TANC2: variants seen among roughly 807,000 people sequenced by gnomAD.
TANC2 encodes the protein protein TANC2.
In TANC2, 26 loss-of-function variants were observed where a neutral mutation model predicts 210.5. The ratio of observed to expected loss-of-function variants is 0.12; its 90% CI spans 0.09 to 0.17. The LOEUF (loss-of-function observed/expected upper bound fraction) is 0.17. TANC2 is among the 10% of genes least tolerant of loss of function. TANC2 has a pLI of 1.00. For missense variants in TANC2, 2,129 were observed against 2,608.9 expected, an observed-to-expected ratio of 0.82 and a Z score of 4.01; for synonymous variants, 931 against 967.1, an observed-to-expected ratio of 0.96 and a Z score of 0.69.
chr17:63,020,681 GTGT>G (rs1251242980), intron 2 of TANC2, among the ~76,000 whole-genome samples: 1 of 152,154 alleles, frequency 6.6e-6, no homozygotes, highest in Non-Finnish European at 1.5e-5. Context: ...TAAATACAAG[GTGT>G]TGTTAGAATC....
chr17:63,220,284 G>A (rs1032065001), intron 7 of TANC2, among the ~76,000 whole-genome samples: 3 of 150,314 alleles, frequency 2.0e-5, no homozygotes, highest in Non-Finnish European at 4.4e-5. Flanking sequence ...GACAGAGCAA[G>A]ACTCCGTCTC....
At chr17:63,371,932 C>T (rs1373778185) in intron 14 of TANC2, among the ~76,000 whole-genome samples, 1 of 152,142 alleles carries the variant, frequency 6.6e-6, no homozygotes, top group African/African-American at 2.4e-5. Flanking sequence ...TCTCCAGTAT[C>T]AAGGGACTAC....
At chr17:62,982,069 G>GTCT (rs138526443) in intron 1 of TANC2, among the ~76,000 whole-genome samples, 23,893 of 152,152 alleles carry the variant, frequency 0.16, 2,376 homozygotes, top group South Asian at 0.35. Flanking sequence ...ATGGAAGTAA[G>GTCT]TCTTCATCTC....
exon 28 of TANC2, chr17:63,422,006 G>C (rs1297793506): frequency 6.5e-7 from 1 of 1,538,980 alleles, no homozygotes; most frequent in African/African-American, 1.4e-5. Context: ...ACATTTTCAG[G>C]CTTGGTTTCC....
At chr17:63,318,092 A>G (rs1419715784) in intron 10 of TANC2, among the ~76,000 whole-genome samples, 2 of 152,212 alleles carry the variant, frequency 1.3e-5, no homozygotes, top group African/African-American at 2.4e-5. Flanking sequence ...CACCAGTTAA[A>G]TGAAAGAAGT....
At chr17:63,293,969 T>TTTAGCC (rs2044459347) in intron 9 of TANC2, among the ~76,000 whole-genome samples, 1 of 152,162 alleles carries the variant, frequency 6.6e-6, no homozygotes, top group Admixed American at 6.5e-5. Context: ...GCTCAAGCAG[T>TTTAGCC]CTTCCCACCT....
intron 8 of TANC2, among the ~76,000 whole-genome samples, chr17:63,245,108 AG>A: frequency 6.6e-6 from 1 of 152,198 alleles, no homozygotes; most frequent in East Asian, 1.9e-4. Flanking sequence ...TCTTCCACCC[AG>A]GCTTCACCAT....
intron 9 of TANC2, among the ~76,000 whole-genome samples, chr17:63,290,150 A>G (rs1175185100): frequency 6.6e-6 from 1 of 152,126 alleles, no homozygotes; most frequent in Non-Finnish European, 1.5e-5. Flanking sequence ...TTCTTCTGCT[A>G]GAAGCTTGAG....
exon 20 of TANC2, chr17:63,405,209 G>A (rs758810518): frequency 6.8e-6 from 11 of 1,608,702 alleles, no homozygotes; most frequent in South Asian, 1.1e-5. Flanking sequence ...CCAAACCGCC[G>A]AGGAGCAGTG....
chr17:62,988,295 CTTTTTTTT>C (rs59386058), intron 1 of TANC2, among the ~76,000 whole-genome samples: 1 of 111,738 alleles, frequency 8.9e-6, no homozygotes, highest in Admixed American at 9.4e-5. Context: ...ACCTGGCTAA[CTTTTTTTT>C]TTTTTTTTTT....
chr17:63,157,804 C>T (rs772771978), intron 5 of TANC2, among the ~76,000 whole-genome samples: 17 of 151,944 alleles, frequency 1.1e-4, no homozygotes, highest in Admixed American at 4.6e-4. Context: ...GGCTGGAGTG[C>T]GGTGGCAGGG....
At chr17:63,026,822 T>C (rs934923229) in intron 2 of TANC2, among the ~76,000 whole-genome samples, 7 of 152,172 alleles carry the variant, frequency 4.6e-5, no homozygotes, top group Non-Finnish European at 5.9e-5. Context: ...TCAGAACAAT[T>C]TTAAATGTTA....
chr17:63,083,242 T>G (rs1322435779), intron 3 of TANC2, among the ~76,000 whole-genome samples: 1 of 152,166 alleles, frequency 6.6e-6, no homozygotes, highest in African/African-American at 2.4e-5. Context: ...TCACTTCCTG[T>G]AGCTGTGTCT....
intron 11 of TANC2, among the ~76,000 whole-genome samples, chr17:63,326,423 A>C (rs1174879133): frequency 6.6e-6 from 1 of 152,218 alleles, no homozygotes; most frequent in Non-Finnish European, 1.5e-5. Context: ...AATGGAAGAA[A>C]ACTTAGTAAC....
intron 9 of TANC2, among the ~76,000 whole-genome samples, chr17:63,268,523 C>CA (rs1233625263): frequency 1.3e-5 from 2 of 152,066 alleles, no homozygotes; most frequent in Non-Finnish European, 2.9e-5. Context: ...TTCCAAAGTC[C>CA]AAAAAAATCT....
chr17:63,046,143 C>T (rs56217813), intron 2 of TANC2, among the ~76,000 whole-genome samples: 2,494 of 151,558 alleles, frequency 0.016, 33 homozygotes, highest in Middle Eastern at 0.061. Flanking sequence ...ATACAAAGGT[C>T]ATACTGTTAT....
intron 5 of TANC2, among the ~76,000 whole-genome samples, chr17:63,162,280 G>A (rs1344210790): frequency 6.6e-6 from 1 of 151,304 alleles, no homozygotes; most frequent in African/African-American, 2.4e-5. Context: ...TTACAGCCTG[G>A]GTGAAGAACA....
intron 5 of TANC2, among the ~76,000 whole-genome samples, chr17:63,176,901 C>G (rs890187093): frequency 6.6e-6 from 1 of 151,440 alleles, no homozygotes; most frequent in African/African-American, 2.4e-5. Flanking sequence ...TACAGACTTC[C>G]AGAGAGTAAT....
At chr17:63,150,023 T>C (rs369540213) in intron 4 of TANC2, 1 of 152,196 alleles carries the variant, frequency 6.6e-6, no homozygotes, top group Non-Finnish European at 1.5e-5. Context: ...CTATATACTT[T>C]TAATACTTGA....
Sources: gnomAD v4.1 joint callset for allele counts (sites outside exome capture counted in the v4.1 genomes callset) on GRCh38, gnomAD v4.1.1 for gene constraint, MANE v1.5 for transcripts, NCBI Gene and HGNC (gene_info 2026-07-23, HGNC 2026-07-21) for gene names.